Variants in TMEM63C observed in about 807,000 individuals in gnomAD.
TMEM63C encodes osmosensitive cation channel TMEM63C.
TMEM63C carries 32 observed loss-of-function variants against 99.2 expected under a neutral mutation model. The observed-to-expected ratio is 0.32, with a 90% CI of 0.24 to 0.43. The LOEUF (loss-of-function observed/expected upper bound fraction) is 0.43. TMEM63C is among the 20% of genes least tolerant of loss of function. The pLI is 1.00. For synonymous variants in TMEM63C, 376 were observed against 397.9 expected (o/e 0.94, Z 0.66); for missense variants, 826 against 1,053.0 (o/e 0.78, Z 2.98).
At chr14:77,245,873 A>T in intron 16 of TMEM63C, 67 bp from the exon 17 acceptor site, 2 of 1,146,382 alleles carry the variant, frequency 1.7e-6, no homozygotes, top group Non-Finnish European at 2.7e-6. Flanking sequence ...CCTCTCTATT[A>T]CATAGTTAGG....
intron 1 of TMEM63C, among the ~76,000 whole-genome samples, chr14:77,204,257 T>A (rs11849952): frequency 0.16 from 24,495 of 149,500 alleles, 2,047 homozygotes; most frequent in South Asian, 0.21. Flanking sequence ...ATTTTTTTTT[T>A]AAATCAAAAC....
chr14:77,239,731 C>G lies in TMEM63C; in HGVS notation c.930+5C>G. ...TGCTGGACCTGCTTCAAGGAGGTAA[C>G]TGGCTTGAGCGTTGGGAGCACAGCA... On this transcript the variant is annotated splice_donor_5th_base_variant and intron_variant, in intron 12 of 23. Coordinates refer to ENST00000298351, the MANE Select transcript of TMEM63C (RefSeq NM_020431.4). 6.2e-7 allele frequency: 1 copy of G among 1,612,676 alleles called. No individual in the cohort carries two copies. The highest frequency in any genetic ancestry group is 8.5e-7 in the Non-Finnish European group (1 of 1,179,542).
At chr14:77,194,538 TTTCTTTCTTTCTTTC>T (rs1438542018) in intron 1 of TMEM63C, among the ~76,000 whole-genome samples, 26 of 19,660 alleles carry the variant, frequency 1.3e-3, no homozygotes, top group Admixed American at 2.7e-3. Context: ...TCTTTCTTTC[TTTCTTTCTTTCTTTC>T]TCTTTCTTTC....
chr14:77,198,489 C>T (rs1404340334), intron 1 of TMEM63C, among the ~76,000 whole-genome samples: 1 of 152,186 alleles, frequency 6.6e-6, no homozygotes, highest in Admixed American at 6.5e-5. Context: ...TTCGTAGAGT[C>T]AGGGTGAGGG....
chr14:77,235,503 G>GACC (rs778084017), intron 8 of TMEM63C, among the ~76,000 whole-genome samples: 2,295 of 2,748 alleles, frequency 0.84, 1,115 homozygotes, highest in Admixed American at 0.87. Flanking sequence ...AGACTGTGAT[G>GACC]GGTGGCGGTT....
At chr14:77,239,814 C>G in intron 12 of TMEM63C, 88 bp downstream of exon 12, 1 of 1,513,538 alleles carries the variant, frequency 6.6e-7, no homozygotes, top group Non-Finnish European at 8.9e-7. Flanking sequence ...ACTGTTGGGC[C>G]CCAGGCCTCA....
At position 77,231,594 on chromosome 14, in the gene TMEM63C, G is replaced by A; in HGVS notation, c.357G>A (p.Glu119=). 1 of 1,551,634 alleles carries A rather than the reference G, an allele frequency of 6.4e-7. No individual in the cohort carries two copies. Residue 119 remains glutamate, a synonymous_variant, in exon 7 of 24, where the codon GAG becomes GAA. Transcript: ENST00000298351. ...GTCTGTGTGTCTCTTCCAGGGACGA[G>A]GATCTGATTAACAAGTGTGGGGACG... is the stretch of plus-strand genomic sequence containing the variant. ...WFFNSITMKD[E]DLINKCGDDA...
At chr14:77,231,509 C>A in intron 6 of TMEM63C, 79 bp from the exon 7 acceptor site, 1 of 1,483,596 alleles carries the variant, frequency 6.7e-7, no homozygotes, top group Non-Finnish European at 9.2e-7. Context: ...TCATTTTCTG[C>A]CCTTCCCTCT....
chr14:77,219,351 C>A, intron 3 of TMEM63C, 147 bp from the exon 4 acceptor site: 5 of 738,638 alleles, frequency 6.8e-6, no homozygotes, highest in East Asian at 2.6e-5. Context: ...AAAGGAATGG[C>A]CCCTACTCCA....
intron 1 of TMEM63C, among the ~76,000 whole-genome samples, chr14:77,200,612 G>A (rs1036513162): frequency 1.3e-5 from 2 of 152,346 alleles, no homozygotes; most frequent in Non-Finnish European, 1.5e-5. Flanking sequence ...CCCAGAAATA[G>A]GCTTCAACCT....
chr14:77,185,049 G>C (rs144664912), intron 1 of TMEM63C, among the ~76,000 whole-genome samples: 1 of 152,168 alleles, frequency 6.6e-6, no homozygotes, highest in South Asian at 2.1e-4. Context: ...GGGAAGGGGC[G>C]CCTCATTGTC....
intron 23 of TMEM63C, among the ~76,000 whole-genome samples, chr14:77,254,683 G>C (rs188294128): frequency 1.3e-5 from 2 of 152,304 alleles, no homozygotes; most frequent in Admixed American, 1.3e-4. Context: ...GCAAGGGAGT[G>C]TCAGGACAAA....
In TMEM63C at chr14:77,243,800, G is replaced by GCACA. The variant is rs1889222026; in HGVS notation, c.1342-547_1342-546insCACA. Among the ~76,000 whole-genome samples, 3 of 151,986 alleles carry GCACA rather than the reference G, an allele frequency of 2.0e-5. No homozygotes were observed. In the South Asian group the frequency reaches 6.2e-4, roughly 32 times the overall value. On this transcript the variant is annotated intron_variant, in intron 15 of 23. Coordinates refer to ENST00000298351, the MANE Select transcript of TMEM63C (RefSeq NM_020431.4). Reference sequence around the variant, plus strand: ...ACACTCACACAAAGTCAACACACACGCATGCACACACACGCACACATGCAC... The same window carrying GCACA: ...ACACTCACACAAAGTCAACACACACGCACACATGCACACACACGCACACATGCAC...
chr14:77,226,720 AGT>A (rs1325426874), intron 6 of TMEM63C, among the ~76,000 whole-genome samples: 1 of 151,078 alleles, frequency 6.6e-6, no homozygotes, highest in Non-Finnish European at 1.5e-5. Context: ...TTTCATGGTA[AGT>A]GTGGCGGGGG....
chr14:77,194,553 C>CTTTCTTTTT (rs56115104), intron 1 of TMEM63C, among the ~76,000 whole-genome samples: 1 of 125,048 alleles, frequency 8.0e-6, no homozygotes, highest in Non-Finnish European at 1.6e-5. Flanking sequence ...TTCTTTCTTT[C>CTTTCTTTTT]TCTTTCTTTC....
At chr14:77,223,669 G>A (rs1461698332) in intron 5 of TMEM63C, among the ~76,000 whole-genome samples, 3 of 146,582 alleles carry the variant, frequency 2.0e-5, no homozygotes, top group African/African-American at 7.6e-5. Flanking sequence ...ACACACACAT[G>A]AGAGAGACAG....
intron 1 of TMEM63C, among the ~76,000 whole-genome samples, chr14:77,203,799 A>G (rs564604558): frequency 1.3e-4 from 20 of 152,384 alleles, no homozygotes; most frequent in Non-Finnish European, 7.3e-5. Flanking sequence ...TTGGTTGATC[A>G]GAGCCCACCC....
chr14:77,233,006 T>G (rs2140119529), intron 7 of TMEM63C, among the ~76,000 whole-genome samples: 1 of 152,218 alleles, frequency 6.6e-6, no homozygotes, highest in East Asian at 1.9e-4. Context: ...TGCAGGATTT[T>G]TAGACACATT....
rs368598262 is a variant in TMEM63C at position 77,244,429 on chromosome 14, C to T, written c.1422C>T (p.Ser474=). Residue 474 remains serine, a synonymous_variant, in exon 16 of 24, where the codon TCC becomes TCT. Transcript: ENST00000298351. ...TVILPLIVYF[S]AFLEAHWTRS... Reference sequence around the variant, plus strand: ...TACTGCCTCTGATTGTCTACTTCTCCGCCTTCCTCGAGGCCCACTGGACCA... The same window carrying T: ...TACTGCCTCTGATTGTCTACTTCTCTGCCTTCCTCGAGGCCCACTGGACCA... 25 of 1,613,804 alleles carry T rather than the reference C, an allele frequency of 1.5e-5. No individual in the cohort carries two copies. The highest frequency in any genetic ancestry group is 3.3e-5 in the Admixed American group (2 of 60,002).
Sources: gnomAD v4.1 joint callset for allele counts (sites outside exome capture counted in the v4.1 genomes callset) on GRCh38, gnomAD v4.1.1 for gene constraint, MANE v1.5 for transcripts, NCBI Gene and HGNC (gene_info 2026-07-23, HGNC 2026-07-21) for gene names.